Variants in GRM8 observed in about 807,000 individuals in gnomAD.
GRM8 encodes metabotropic glutamate receptor 8.
A neutral mutation model predicts 87.2 loss-of-function variants in GRM8; 47 were observed. That is an observed-to-expected ratio of 0.54 (90% CI 0.43 to 0.69). GRM8 has a LOEUF of 0.69. Among genes scored for constraint, GRM8 ranks in the 30% least tolerant of loss-of-function variants. The probability of loss-of-function intolerance (pLI) is 0.00; values close to 1 mark genes in which losing one functional copy is unlikely to be tolerated. For synonymous variants in GRM8, 396 were observed against 404.5 expected (o/e 0.98, Z 0.25); for missense variants, 1,019 against 1,139.2 (o/e 0.89, Z 1.52).
At chr7:126,453,112 CAT>C (rs1554437162) in intron 9 of GRM8, among the ~76,000 whole-genome samples, 60 of 129,716 alleles carry the variant, frequency 4.6e-4, no homozygotes, top group East Asian at 2.4e-3. Context: ...CACACACACA[CAT>C]ACAAGCAAAA....
rs184457284 is a variant in GRM8 at position 126,480,922 on chromosome 7, C to T, written c.2431-34550G>A. 1.4e-3 allele frequency among the ~76,000 whole-genome samples: 207 copies of T among 151,748 alleles called. 2 individuals carry two copies. Among genetic ancestry groups the T allele is most frequent in the Admixed American group, 0.011 (164 of 15,226 alleles). ...AAGACATCGATCCCAGGGTTGTAGC[C>T]GGGAAAATACAAGATGAACCTGGAA... On this transcript the variant is annotated intron_variant, in intron 9 of 10. Transcript: ENST00000339582.
At chr7:127,173,070 A>G (rs764928994) in intron 2 of GRM8, among the ~76,000 whole-genome samples, 9 of 152,208 alleles carry the variant, frequency 5.9e-5, no homozygotes, top group Non-Finnish European at 1.3e-4. Flanking sequence ...TTAACCATCT[A>G]CCACCATACC....
chr7:127,174,642 C>T (rs1793993942), intron 2 of GRM8, among the ~76,000 whole-genome samples: 1 of 152,120 alleles, frequency 6.6e-6, no homozygotes, highest in African/African-American at 2.4e-5. Flanking sequence ...CTATCAGAAG[C>T]AAGATGAAAA....
At chr7:127,251,647 G>C (rs1296159217) in intron 1 of GRM8, among the ~76,000 whole-genome samples, 3 of 151,412 alleles carry the variant, frequency 2.0e-5, no homozygotes, top group African/African-American at 7.3e-5. Context: ...GGGGCATTCC[G>C]GCGCGCTGGG....
chr7:126,604,463 A>G (rs1350016826), intron 8 of GRM8, among the ~76,000 whole-genome samples: 1 of 152,158 alleles, frequency 6.6e-6, no homozygotes, highest in African/African-American at 2.4e-5. Flanking sequence ...GGTCCTCTAT[A>G]GTAGGCTGGT....
intron 2 of GRM8, among the ~76,000 whole-genome samples, chr7:127,183,789 G>C (rs1794600848): frequency 6.6e-6 from 1 of 151,690 alleles, no homozygotes; most frequent in Admixed American, 6.6e-5. Flanking sequence ...CTCTAGTTAG[G>C]CTAACCAAGA....
At chr7:127,198,578 T>G (rs2116537337) in intron 2 of GRM8, among the ~76,000 whole-genome samples, 1 of 152,270 alleles carries the variant, frequency 6.6e-6, no homozygotes, top group Non-Finnish European at 1.5e-5. Context: ...AGATGTTTTG[T>G]GGTGGGTTTT....
intron 3 of GRM8, among the ~76,000 whole-genome samples, chr7:127,022,832 C>T (rs1816409923): frequency 6.6e-6 from 1 of 152,040 alleles, no homozygotes; most frequent in Non-Finnish European, 1.5e-5. Context: ...AGCATAGTGA[C>T]TTCAGTCCAA....
At chr7:126,582,193 AG>A (rs35116225) in intron 8 of GRM8, among the ~76,000 whole-genome samples, 46,927 of 152,042 alleles carry the variant, frequency 0.31, 8,121 homozygotes, top group East Asian at 0.44. Context: ...GTTCTACTCC[AG>A]GGAACACATA....
intron 2 of GRM8, among the ~76,000 whole-genome samples, chr7:127,187,274 T>A (rs1794789134): frequency 6.6e-6 from 1 of 152,158 alleles, no homozygotes. Context: ...ACATCTAGGT[T>A]ATGATAACCC....
chr7:127,248,895 A>AG (rs1198652797), intron 1 of GRM8, among the ~76,000 whole-genome samples: 2 of 152,230 alleles, frequency 1.3e-5, no homozygotes, highest in East Asian at 1.9e-4. Flanking sequence ...GGACGCAAGA[A>AG]GAAGTCAATG....
rs115584556 is a variant in GRM8, at chr7:126,736,713, C to T, written c.1357+33152G>A. ...TGTAAATAGCTTTTTCATATGAAAC[C>T]AAATATGCTTATGTTTGTAAATATC... On this transcript the variant is annotated intron_variant, in intron 7 of 10. Coordinates refer to ENST00000339582, the MANE Select transcript of GRM8 (RefSeq NM_000845.3). Among the ~76,000 whole-genome samples the T allele has an allele frequency of 1.3e-3, 193 of 152,092 alleles. 1 individual carries two copies. Among genetic ancestry groups the T allele is most frequent in the African/African-American group, 4.4e-3 (184 of 41,502 alleles).
chr7:126,844,748 G>T (rs752312787), intron 6 of GRM8, among the ~76,000 whole-genome samples: 1 of 152,092 alleles, frequency 6.6e-6, no homozygotes, highest in Non-Finnish European at 1.5e-5. Context: ...TGCTCACATG[G>T]CATTTCCTCT....
intron 3 of GRM8, among the ~76,000 whole-genome samples, chr7:126,912,137 C>T (rs1420881957): frequency 6.6e-6 from 1 of 152,142 alleles, no homozygotes; most frequent in African/African-American, 2.4e-5. Flanking sequence ...GCGGAGCTTG[C>T]AGTGAGCCGA....
intron 1 of GRM8, among the ~76,000 whole-genome samples, chr7:127,244,413 C>G (rs17867097): frequency 6.6e-6 from 1 of 152,112 alleles, no homozygotes; most frequent in Non-Finnish European, 1.5e-5. Context: ...ACAGACAAAG[C>G]CTTTTTCCTA....
chr7:127,088,244 G>C (rs1197550889), intron 3 of GRM8, among the ~76,000 whole-genome samples: 1 of 152,152 alleles, frequency 6.6e-6, no homozygotes, highest in Non-Finnish European at 1.5e-5. Context: ...GGTGGTGGTG[G>C]TGGTGAGTGA....
chr7:127,002,293 C>A lies in GRM8; in HGVS notation c.728-97610G>T, dbSNP rs1404104202. Among the ~76,000 whole-genome samples, 4 of 151,556 alleles carry A rather than the reference C, an allele frequency of 2.6e-5. No individual in the cohort carries two copies. In the East Asian group the frequency reaches 7.8e-4, roughly 29 times the overall value. On this transcript the variant is annotated intron_variant, in intron 3 of 10. Transcript: ENST00000339582. ...GCTGTGACAGAGTGCATCATCAACG[C>A]AATATGGCTAAGCTTACCCACAAGT...
chr7:126,785,782 T>G (rs1820561182), intron 6 of GRM8, among the ~76,000 whole-genome samples: 1 of 152,080 alleles, frequency 6.6e-6, no homozygotes, highest in Non-Finnish European at 1.5e-5. Context: ...CACTACAGCC[T>G]GGGTAAAGCA....
intron 9 of GRM8, among the ~76,000 whole-genome samples, chr7:126,483,893 T>C (rs867849053): frequency 6.6e-6 from 1 of 151,390 alleles, no homozygotes; most frequent in African/African-American, 2.4e-5. Flanking sequence ...AAAAACAAAA[T>C]TTATCTGGTC....
Sources: allele counts gnomAD v4.1 joint callset (sites outside exome capture counted in the v4.1 genomes callset), GRCh38; gene constraint gnomAD v4.1.1; transcripts MANE v1.5; gene names NCBI Gene and HGNC (gene_info 2026-07-23, HGNC 2026-07-21).